The following FBN1 variants were observed in gnomAD, a reference collection of about 807,000 sequenced individuals.
FBN1 encodes fibrillin-1.
FBN1 carries 29 observed loss-of-function variants against 365.1 expected under a neutral mutation model. The ratio of observed to expected loss-of-function variants is 0.08; its 90% confidence interval spans 0.06 to 0.11. The LOEUF (loss-of-function observed/expected upper bound fraction) is 0.11, where lower values mean the gene tolerates loss of function less well. Ranked by LOEUF, FBN1 falls within the 10% of genes least tolerant of loss-of-function variation. FBN1 has a pLI of 1.00. For missense variants in FBN1, 2,476 were observed against 3,703.2 expected (o/e 0.67, Z 8.60); for synonymous variants, 1,210 against 1,270.5 (o/e 0.95, Z 1.01).
chr15:48,491,330 C>A (rs1196707312), intron 24 of FBN1, among the ~76,000 whole-genome samples: 2 of 151,634 alleles, frequency 1.3e-5, no homozygotes, highest in Non-Finnish European at 2.9e-5. Flanking sequence ...TCACTGTATA[C>A]CACTTTCTTT....
At chr15:48,628,657 A>G (rs1889930876) in intron 2 of FBN1, among the ~76,000 whole-genome samples, 1 of 152,248 alleles carries the variant, frequency 6.6e-6, no homozygotes, top group South Asian at 2.1e-4. Context: ...AGTCGCAGAT[A>G]AGAAAAATCA....
At chr15:48,520,287 A>C (rs868206758) in intron 10 of FBN1, among the ~76,000 whole-genome samples, 7 of 152,048 alleles carry the variant, frequency 4.6e-5, no homozygotes, top group South Asian at 2.1e-4. Flanking sequence ...CAATGTTAGG[A>C]AAAAGGAAAT....
chr15:48,444,466 T>G (rs1597531608), intron 49 of FBN1, 75 bp downstream of exon 49: 1 of 1,566,942 alleles, frequency 6.4e-7, no homozygotes, highest in East Asian at 2.2e-5. Flanking sequence ...AAGACGTCAT[T>G]ACAAAAATTC....
chr15:48,524,048 T>C (rs940828330), intron 9 of FBN1, among the ~76,000 whole-genome samples: 2 of 152,114 alleles, frequency 1.3e-5, no homozygotes, highest in Admixed American at 6.5e-5. Context: ...ACGAACATGG[T>C]TGTGTACAAC....
chr15:48,582,956 G>T (rs1747223804), intron 6 of FBN1, among the ~76,000 whole-genome samples: 1 of 152,144 alleles, frequency 6.6e-6, no homozygotes, highest in African/African-American at 2.4e-5. Flanking sequence ...GAGTCTCATG[G>T]TCAGCCGGAG....
In FBN1 at chr15:48,526,255, T is replaced by C. The variant is rs565078451; in HGVS notation, c.863A>G (p.Asp288Gly). 2.7e-5 allele frequency: 44 copies of C among 1,613,760 alleles called. No individual in the cohort carries two copies. The highest frequency in any genetic ancestry group is 4.0e-5 in the African/African-American group (3 of 74,844). ...KLNEVSQKCE[D>G]IDECSTIPGI... Reference sequence around the variant, plus strand: ...AGGAATGGTGCTGCATTCATCAATATCTGGAATATAAAAAAAAGAATCTCA... The same window carrying C: ...AGGAATGGTGCTGCATTCATCAATACCTGGAATATAAAAAAAAGAATCTCA... Residue 288 changes from aspartate to glycine, a missense_variant and splice_region_variant, in exon 9 of 66, where the codon GAT becomes GGT. Coordinates refer to ENST00000316623, the MANE Select transcript of FBN1 (RefSeq NM_000138.5).
At chr15:48,427,903 G>A (rs2042992901) in intron 57 of FBN1, 130 bp from the exon 58 acceptor site, 1 of 795,316 alleles carries the variant, frequency 1.3e-6, no homozygotes, top group African/African-American at 1.7e-5. Context: ...AGAAGCAAGA[G>A]GGGAAAGCTG....
At chr15:48,607,054 C>A (rs1423564008) in intron 4 of FBN1, among the ~76,000 whole-genome samples, 1 of 151,788 alleles carries the variant, frequency 6.6e-6, no homozygotes, top group South Asian at 2.1e-4. Context: ...TCCAGAACCA[C>A]GAGCCAAATA....
chr15:48,542,833 T>TGTGTGTGTA (rs1566923409), intron 6 of FBN1, among the ~76,000 whole-genome samples: 39 of 108,054 alleles, frequency 3.6e-4, no homozygotes, highest in African/African-American at 1.7e-3. Flanking sequence ...GTGTGTGTAT[T>TGTGTGTGTA]TTTTTTCCTT....
intron 53 of FBN1, among the ~76,000 whole-genome samples, chr15:48,435,710 A>G (rs1218259654): frequency 3.0e-5 from 4 of 135,152 alleles, no homozygotes; most frequent in Non-Finnish European, 4.9e-5. Context: ...GTGTATATAT[A>G]TGTGTGTATA....
intron 57 of FBN1, 106 bp downstream of exon 57, chr15:48,428,240 T>G: frequency 7.0e-7 from 1 of 1,419,086 alleles, no homozygotes; most frequent in Admixed American, 1.8e-5. Context: ...TTTTTTATCC[T>G]TCCTCAGATT....
intron 6 of FBN1, among the ~76,000 whole-genome samples, chr15:48,543,107 TACTA>T (rs2044070673): frequency 2.0e-5 from 3 of 152,184 alleles, no homozygotes; most frequent in Non-Finnish European, 4.4e-5. Flanking sequence ...TAGTTAATTA[TACTA>T]ACTACCAGCT....
chr15:48,459,611 T>C (rs1298807114), intron 43 of FBN1, among the ~76,000 whole-genome samples: 1 of 152,222 alleles, frequency 6.6e-6, no homozygotes, highest in Non-Finnish European at 1.5e-5. Flanking sequence ...TGCAATAGCT[T>C]TCCATCTACT....
intron 6 of FBN1, among the ~76,000 whole-genome samples, chr15:48,569,117 G>T (rs927886158): frequency 1.6e-4 from 25 of 151,898 alleles, no homozygotes; most frequent in African/African-American, 6.0e-4. Flanking sequence ...AAAACTACAA[G>T]GAACTCTTAC....
chr15:48,460,763 T>A (rs1597543828), intron 42 of FBN1, among the ~76,000 whole-genome samples: 1 of 152,166 alleles, frequency 6.6e-6, no homozygotes, highest in Non-Finnish European at 1.5e-5. Flanking sequence ...TGACATCAGA[T>A]CTATTAATGA....
At chr15:48,601,759 C>A (rs985947979) in intron 4 of FBN1, among the ~76,000 whole-genome samples, 1 of 152,204 alleles carries the variant, frequency 6.6e-6, no homozygotes, top group Non-Finnish European at 1.5e-5. Flanking sequence ...GCAGAACCCA[C>A]TATCTTCTAT....
At chr15:48,414,906 A>T (rs1006403504) in intron 64 of FBN1, among the ~76,000 whole-genome samples, 1 of 151,976 alleles carries the variant, frequency 6.6e-6, no homozygotes, top group African/African-American at 2.4e-5. Flanking sequence ...AAAAAAAAAA[A>T]AAAAGGCCTT....
Position 48,620,347 on chromosome 15 carries a change from A to G in FBN1, c.165-7255T>C, listed in dbSNP as rs557323889. Among the ~76,000 whole-genome samples the G allele has an allele frequency of 2.6e-5, 4 of 152,306 alleles. No homozygotes were observed. The East Asian group carries it at 7.7e-4, about 29-fold the overall frequency. ...CCTCACAATAATCACTATATTAATCATATCTATTGAGTGCTTATCCTATTT... is the reference window on the plus strand; with the variant it reads ...CCTCACAATAATCACTATATTAATCGTATCTATTGAGTGCTTATCCTATTT... On this transcript the variant is annotated intron_variant, in intron 2 of 65. Transcript: ENST00000316623.
chr15:48,408,825 C>T lies in FBN1; in HGVS notation c.*2165G>A, dbSNP rs1314069752. 1 of 152,600 alleles carries T rather than the reference C, an allele frequency of 6.6e-6. No homozygotes were observed. Among genetic ancestry groups the T allele is most frequent in the Non-Finnish European group, 1.5e-5 (1 of 68,026 alleles). The allele number at this position is 152,600 out of a possible 1,614,324, so 9.5% of individuals were successfully genotyped here. On this transcript the variant is annotated 3_prime_UTR_variant, in exon 66 of 66. Transcript: ENST00000316623. ...AAAGTGATCCACTGTGTGCCAACTC[C>T]ATTTTCCCCTGTTGTTTGTTATAAA...
Sources: allele counts gnomAD v4.1 joint callset (sites outside exome capture counted in the v4.1 genomes callset), GRCh38; gene constraint gnomAD v4.1.1; transcripts MANE v1.5; gene names NCBI Gene and HGNC (gene_info 2026-07-23, HGNC 2026-07-21).